PYY: variants seen among roughly 807,000 people sequenced by gnomAD.
PYY encodes peptide tyrosine tyrosine.
A neutral mutation model predicts 10.3 loss-of-function variants in PYY; 12 were observed. That is an observed-to-expected ratio of 1.17 (90% CI 0.75 to 1.89). The LOEUF (loss-of-function observed/expected upper bound fraction) is 1.89, where lower values mean the gene tolerates loss of function less well. Among genes scored for constraint, PYY ranks in the 40% most tolerant of loss-of-function variants. PYY has a pLI of 0.00. For missense variants in PYY, 141 were observed against 134.0 expected (o/e 1.05, Z -0.26); for synonymous variants, 66 against 62.0 (o/e 1.06, Z -0.30).
rs532431020 is a variant in PYY, at chr17:43,976,018, A to G, written c.-462-9486T>C. On this transcript the variant is annotated intron_variant, in intron 1 of 6. Coordinates refer to the PYY transcript ENST00000360085. ...TCTACGTACGTGTACATACACGTGT[A>G]TACGTGTATAAGCGTATACATGTAT... 9.9e-4 allele frequency among the ~76,000 whole-genome samples: 141 copies of G among 142,990 alleles called. 61 individuals are homozygous for G. The highest frequency in any genetic ancestry group is 5.6e-4 in the Non-Finnish European group (36 of 64,662). 93.8% of individuals were successfully genotyped at this position (142,990 alleles called of 152,430 possible). A position where few individuals can be genotyped will look rare whatever the true frequency, so the allele number is the denominator to read the frequency against.
chr17:44,002,431 A>G (rs909139693), intron 1 of PYY, among the ~76,000 whole-genome samples: 9 of 152,178 alleles, frequency 5.9e-5, no homozygotes, highest in Non-Finnish European at 1.0e-4. Flanking sequence ...TGGCCATGCC[A>G]CTGACGAGCT....
At chr17:43,957,676 T>G (rs1205575438), upstream of PYY, among the ~76,000 whole-genome samples, 2 of 151,528 alleles carry the variant, frequency 1.3e-5, no homozygotes, top group African/African-American at 2.4e-5. Context: ...AATAAATACA[T>G]AAATAAATAA....
At chr17:43,984,477 G>T (rs993482282) in intron 1 of PYY, among the ~76,000 whole-genome samples, 1 of 152,210 alleles carries the variant, frequency 6.6e-6, no homozygotes, top group Non-Finnish European at 1.5e-5. Context: ...ACTGCCATCT[G>T]CTTTCATTTT....
chr17:43,968,632 T>G (rs1213986741), intron 1 of PYY, among the ~76,000 whole-genome samples: 1 of 152,104 alleles, frequency 6.6e-6, no homozygotes, highest in African/African-American at 2.4e-5. Context: ...GCCAATGTGG[T>G]GAAACTCTGT....
chr17:43,976,569 C>T (rs2048850380), intron 1 of PYY, among the ~76,000 whole-genome samples: 1 of 151,848 alleles, frequency 6.6e-6, no homozygotes, highest in Non-Finnish European at 1.5e-5. Context: ...GTCAGGAGTT[C>T]AAGACCAGCC....
At chr17:43,978,920 G>A (rs2048865962) in intron 1 of PYY, among the ~76,000 whole-genome samples, 1 of 152,196 alleles carries the variant, frequency 6.6e-6, no homozygotes, top group African/African-American at 2.4e-5. Context: ...GGCACCCCCT[G>A]TAAAGTGCCC....
intron 1 of PYY, 41 bp downstream of exon 1, chr17:43,953,809 A>C: frequency 4.7e-6 from 1 of 213,120 alleles, no homozygotes; most frequent in Non-Finnish European, 9.4e-6. Flanking sequence ...TCCCCACAAA[A>C]CAGCCTGGGT....
intron 1 of PYY, 92 bp from the exon 2 acceptor site, chr17:43,953,575 T>C (rs1426556554): frequency 1.6e-6 from 2 of 1,239,502 alleles, no homozygotes; most frequent in Non-Finnish European, 2.2e-6. Flanking sequence ...GCTCCGACGC[T>C]CTCCCTGGGG....
Position 43,952,931 on chromosome 17 carries a change from A to C in PYY, c.*25T>G. ...CAAATGACGTGGGCGTGGTTGGCAGATCTCCCAGGAGGCCTCAGGGGTCCT... is the reference window on the plus strand; with the variant it reads ...CAAATGACGTGGGCGTGGTTGGCAGCTCTCCCAGGAGGCCTCAGGGGTCCT... On this transcript the variant is annotated 3_prime_UTR_variant, in exon 4 of 4. Coordinates refer to ENST00000692052, the MANE Select transcript of PYY (RefSeq NM_001394028.1). 1 of 1,532,228 alleles carries C rather than the reference A, an allele frequency of 6.5e-7. No individual in the cohort carries two copies. Among genetic ancestry groups the C allele is most frequent in the Non-Finnish European group, 8.7e-7 (1 of 1,144,594 alleles). The allele number at this position is 1,532,228 out of a possible 1,614,324, so 94.9% of individuals were successfully genotyped here. A position where few individuals can be genotyped will look rare whatever the true frequency, so the allele number is the denominator to read the frequency against.
At chr17:43,995,652 G>A (rs1227531862) in intron 1 of PYY, among the ~76,000 whole-genome samples, 7 of 152,052 alleles carry the variant, frequency 4.6e-5, no homozygotes, top group Non-Finnish European at 7.4e-5. Context: ...TGACCAACAT[G>A]GTGAAACCCC....
intron 1 of PYY, among the ~76,000 whole-genome samples, chr17:43,983,803 A>G (rs540231658): frequency 6.6e-6 from 1 of 152,064 alleles, no homozygotes; most frequent in East Asian, 1.9e-4. Context: ...ACCCCGCGCG[A>G]GTCTGCTTGA....
intron 1 of PYY, among the ~76,000 whole-genome samples, chr17:43,999,479 C>T (rs1305253572): frequency 6.6e-6 from 1 of 151,992 alleles, no homozygotes; most frequent in Non-Finnish European, 1.5e-5. Flanking sequence ...CACGGTCGCT[C>T]ACGCCTGTAA....
intron 2 of PYY, among the ~76,000 whole-genome samples, chr17:43,965,475 C>T (rs367778665): frequency 9.2e-5 from 13 of 141,514 alleles, no homozygotes; most frequent in African/African-American, 2.7e-4. Context: ...AGTGAGACTC[C>T]GTATCAAAAA....
chr17:43,972,191 T>TTTA (rs1555617855), intron 1 of PYY, among the ~76,000 whole-genome samples: 61 of 138,226 alleles, frequency 4.4e-4, no homozygotes, highest in Middle Eastern at 7.5e-3. Context: ...TTTTATTTTA[T>TTTA]TTTATTTATT....
intron 1 of PYY, among the ~76,000 whole-genome samples, chr17:44,003,586 C>T (rs751797496): frequency 3.6e-5 from 5 of 140,328 alleles, no homozygotes; most frequent in Non-Finnish European, 6.0e-5. Flanking sequence ...ACCCAGAAGG[C>T]GGGGATTACA....
rs35026725 is a variant in PYY, at chr17:43,971,680, GT to G, written c.-462-5149del. ...CCTTGGTGCAGTGTCTGTTCATGTGGTTTTTTTTTTTTTAAGTGGGTTGTTG... is the reference window on the plus strand; with the variant it reads ...CCTTGGTGCAGTGTCTGTTCATGTGGTTTTTTTTTTTTAAGTGGGTTGTTG... On this transcript the variant is annotated intron_variant, in intron 1 of 6. Coordinates refer to the PYY transcript ENST00000360085. Among the ~76,000 whole-genome samples, 336 of 143,608 alleles carry G rather than the reference GT, an allele frequency of 2.3e-3. 1 individual carries two copies. The highest frequency in any genetic ancestry group is 5.8e-3 in the African/African-American group (230 of 39,480). 94.2% of individuals were successfully genotyped at this position (143,608 alleles called of 152,430 possible).
chr17:43,977,909 G>A (rs1362358652), intron 1 of PYY, among the ~76,000 whole-genome samples: 1 of 152,126 alleles, frequency 6.6e-6, no homozygotes, highest in Non-Finnish European at 1.5e-5. Flanking sequence ...ATGTATCAAA[G>A]TGAATCTTGG....
At chr17:43,999,724 C>T (rs1300186059) in intron 1 of PYY, among the ~76,000 whole-genome samples, 1 of 150,390 alleles carries the variant, frequency 6.6e-6, no homozygotes, top group Non-Finnish European at 1.5e-5. Context: ...GCTGAGATCA[C>T]GCCATTGCAC....
At chr17:43,975,423 G>A (rs1335835863) in intron 1 of PYY, among the ~76,000 whole-genome samples, 3 of 151,928 alleles carry the variant, frequency 2.0e-5, no homozygotes, top group Non-Finnish European at 4.4e-5. Context: ...TAAACAGTGG[G>A]TAGGCTGAGC....
Sources: gnomAD v4.1 joint callset for allele counts (sites outside exome capture counted in the v4.1 genomes callset) on GRCh38, gnomAD v4.1.1 for gene constraint, MANE v1.5 for transcripts, NCBI Gene and HGNC (gene_info 2026-07-23, HGNC 2026-07-21) for gene names.